The following PCDH7 variants were observed in gnomAD, a reference collection of about 807,000 sequenced individuals.
The protein encoded by PCDH7 is protocadherin 7.
A neutral mutation model predicts 58.9 loss-of-function variants in PCDH7; 17 were observed. That is an observed-to-expected ratio of 0.29 (90% confidence interval 0.20 to 0.43). PCDH7 has a LOEUF of 0.43. Ranked by LOEUF, PCDH7 falls within the 20% of genes least tolerant of loss-of-function variation. PCDH7 has a pLI of 1.00. For synonymous variants in PCDH7, 664 were observed against 616.4 expected, an observed-to-expected ratio of 1.08 and a Z score of -1.14; for missense variants, 1,274 against 1,441.0, an observed-to-expected ratio of 0.88 and a Z score of 1.88.
intron 3 of PCDH7, among the ~76,000 whole-genome samples, chr4:31,021,171 T>C (rs557552248): frequency 2.8e-4 from 42 of 152,306 alleles, no homozygotes; most frequent in African/African-American, 9.1e-4. Flanking sequence ...GATTAAGTCA[T>C]GGGATAAGGG....
intron 3 of PCDH7, among the ~76,000 whole-genome samples, chr4:31,004,887 C>A (rs1395531713): frequency 6.6e-6 from 1 of 152,008 alleles, no homozygotes; most frequent in African/African-American, 2.4e-5. Context: ...CAACGACAAT[C>A]AAACCCAAGC....
chr4:30,838,184 A>G (rs73214903), intron 1 of PCDH7, among the ~76,000 whole-genome samples: 13,524 of 152,144 alleles, frequency 0.089, 759 homozygotes, highest in Non-Finnish European at 0.12. Context: ...TTATAAATTA[A>G]TGTTCTAATG....
At chr4:30,876,492 G>T (rs1258264340) in intron 1 of PCDH7, among the ~76,000 whole-genome samples, 1 of 151,984 alleles carries the variant, frequency 6.6e-6, no homozygotes, top group Non-Finnish European at 1.5e-5. Context: ...TAGTACAGAT[G>T]CATTCATTAT....
intron 2 of PCDH7, among the ~76,000 whole-genome samples, chr4:30,943,146 C>G (rs761729223): frequency 7.9e-5 from 12 of 151,944 alleles, no homozygotes; most frequent in Non-Finnish European, 1.5e-4. Flanking sequence ...TTTCATTCAT[C>G]TTGAACCTCC....
chr4:30,975,910 C>T (rs957751751), intron 3 of PCDH7, among the ~76,000 whole-genome samples: 4 of 152,136 alleles, frequency 2.6e-5, no homozygotes, highest in Non-Finnish European at 4.4e-5. Context: ...CCATTATGTC[C>T]TTCAATATCT....
At chr4:31,085,102 T>A (rs1712214969) in intron 3 of PCDH7, among the ~76,000 whole-genome samples, 1 of 152,028 alleles carries the variant, frequency 6.6e-6, no homozygotes, top group Non-Finnish European at 1.5e-5. Flanking sequence ...CCTGAGCATT[T>A]GGGGAGCAGA....
intron 2 of PCDH7, among the ~76,000 whole-genome samples, chr4:30,945,859 T>G (rs1746607939): frequency 6.6e-6 from 1 of 152,154 alleles, no homozygotes; most frequent in Admixed American, 6.5e-5. Flanking sequence ...CTTAATTCCA[T>G]CGGGCCACAG....
intron 1 of PCDH7, among the ~76,000 whole-genome samples, chr4:30,727,978 A>AT: frequency 6.6e-6 from 1 of 151,884 alleles, no homozygotes; most frequent in Non-Finnish European, 1.5e-5. Context: ...AAGGTAATTT[A>AT]TTTTTGGCAA....
chr4:30,959,632 C>G (rs1051584312), intron 3 of PCDH7, among the ~76,000 whole-genome samples: 1 of 152,216 alleles, frequency 6.6e-6, no homozygotes, highest in Non-Finnish European at 1.5e-5. Context: ...CTTCCAGAAG[C>G]CTGATGGCAT....
intron 3 of PCDH7, among the ~76,000 whole-genome samples, chr4:30,964,942 T>A (rs1315644408): frequency 1.3e-5 from 2 of 152,230 alleles, no homozygotes; most frequent in Non-Finnish European, 2.9e-5. Flanking sequence ...TTCAGAGTTA[T>A]TGCTGTAAGT....
At chr4:31,091,414 GA>G (rs1713233276) in intron 3 of PCDH7, among the ~76,000 whole-genome samples, 1 of 151,664 alleles carries the variant, frequency 6.6e-6, no homozygotes, top group African/African-American at 2.4e-5. Context: ...TAAAAAATGA[GA>G]AAATATACTT....
At position 30,894,202 on chromosome 4, in the gene PCDH7, G is replaced by C. The variant is rs201296152; in HGVS notation, c.71-25951G>C. Among the ~76,000 whole-genome samples, 3 of 151,994 alleles carry C rather than the reference G, an allele frequency of 2.0e-5. No homozygotes were observed. In the East Asian group the frequency reaches 5.8e-4, roughly 30 times the overall value. The stretch of plus-strand genomic sequence containing the variant: ...TGAAGTTTGCTTTCCAGACAGCTTA[G>C]GCAGGCTTTGAATTCTATTAAACCA... On this transcript the variant is annotated intron_variant, in intron 1 of 3. Coordinates refer to the PCDH7 transcript ENST00000509759.
intron 1 of PCDH7, among the ~76,000 whole-genome samples, chr4:30,832,967 A>G (rs995545840): frequency 1.3e-5 from 2 of 152,180 alleles, no homozygotes; most frequent in Admixed American, 1.3e-4. Flanking sequence ...TCTCTGTAGC[A>G]GAAAGGTGGA....
At chr4:31,017,190 A>G (rs139328250) in intron 3 of PCDH7, among the ~76,000 whole-genome samples, 40 of 152,308 alleles carry the variant, frequency 2.6e-4, no homozygotes, top group Non-Finnish European at 4.4e-4. Flanking sequence ...CATAGTCTGA[A>G]TCTTACTATC....
intron 1 of PCDH7, among the ~76,000 whole-genome samples, chr4:30,729,220 A>G (rs1715112507): frequency 6.6e-6 from 1 of 151,772 alleles, no homozygotes; most frequent in Non-Finnish European, 1.5e-5. Flanking sequence ...TGATCATACT[A>G]CCTTTGGGGG....
chr4:30,801,196 A>G (rs926024361), intron 1 of PCDH7, among the ~76,000 whole-genome samples: 1 of 152,198 alleles, frequency 6.6e-6, no homozygotes. Flanking sequence ...ATAGTAATGG[A>G]TAAGATATTT....
chr4:30,858,437 G>A (rs1319555749), intron 1 of PCDH7, among the ~76,000 whole-genome samples: 1 of 151,790 alleles, frequency 6.6e-6, no homozygotes, highest in East Asian at 1.9e-4. Flanking sequence ...TGTCTTTTTT[G>A]TTGTTTTTGT....
At position 30,881,110 on chromosome 4, in the gene PCDH7, C is replaced by T. The variant is rs139191134; in HGVS notation, c.71-39043C>T. ...AACAGTATGAGATGGACTTATAGAACATCTCCTCAGTCTTGACCAATCACT... is the reference window on the plus strand; with the variant it reads ...AACAGTATGAGATGGACTTATAGAATATCTCCTCAGTCTTGACCAATCACT... On this transcript the variant is annotated intron_variant, in intron 1 of 3. Transcript: ENST00000509759. 1.7e-3 allele frequency among the ~76,000 whole-genome samples: 258 copies of T among 152,250 alleles called. 2 individuals carry two copies. The highest frequency in any genetic ancestry group is 5.9e-3 in the African/African-American group (245 of 41,564).
intron 3 of PCDH7, among the ~76,000 whole-genome samples, chr4:31,041,866 A>C (rs1755896368): frequency 6.6e-6 from 1 of 152,168 alleles, no homozygotes; most frequent in Admixed American, 6.5e-5. Context: ...ATGTCATCCA[A>C]GGGGCATAAA....
Sources: allele counts gnomAD v4.1 joint callset (sites outside exome capture counted in the v4.1 genomes callset), GRCh38; gene constraint gnomAD v4.1.1; transcripts MANE v1.5; gene names NCBI Gene and HGNC (gene_info 2026-07-23, HGNC 2026-07-21).